Variants in TTN observed in about 807,000 individuals in gnomAD.
TTN encodes the protein connectin.
Under a neutral mutation model 3,223.0 loss-of-function variants are expected in TTN, and 1,525 were observed. The ratio of observed to expected loss-of-function variants is 0.47; its 90% confidence interval spans 0.45 to 0.49. The LOEUF (loss-of-function observed/expected upper bound fraction) is 0.49, where lower values mean the gene tolerates loss of function less well. TTN is among the 20% of genes least tolerant of loss of function. The pLI is 0.00. For missense variants in TTN, 40,786 were observed against 43,424.0 expected (o/e 0.94, Z 5.40); for synonymous variants, 14,094 against 15,161.0 (o/e 0.93, Z 5.17).
In TTN at chr2:178,779,179, A is replaced by G. The variant is rs768368045; in HGVS notation, c.3963+50T>C. 1.1e-5 allele frequency: 18 copies of G among 1,612,780 alleles called. No individual in the cohort carries two copies. In the East Asian group the frequency reaches 2.2e-4, roughly 20 times the overall value. ...ACATCAAATAGTTATATTTTAACCA[A>G]TTTGTATCTTTACTGTGGCAAGGAG... On this transcript the variant is annotated intron_variant, in intron 23 of 362. Coordinates refer to ENST00000589042, the MANE Select transcript of TTN (RefSeq NM_001267550.2).
Position 178,575,928 on chromosome 2 carries a change from T to TAATC in TTN, c.70200_70203dup (p.Ile23402AspfsTer6). Reference sequence around the variant, plus strand: ...GTATCATATCTGTTACATTCTGGGATAATCAGAAGAGTAAATGATTCCGTA... The same window carrying TAATC: ...GTATCATATCTGTTACATTCTGGGATAATCAATCAGAAGAGTAAATGATTCCGTA... On this transcript the variant is annotated frameshift_variant, in exon 326 of 363. Coordinates refer to ENST00000589042, the MANE Select transcript of TTN (RefSeq NM_001267550.2). LOFTEE classifies it high-confidence loss of function. This position sits in a 1 kb window ranked among gnomAD's most constrained non-coding sequence, Gnocchi z 4.0. 1 of 1,613,308 alleles carries TAATC rather than the reference T, an allele frequency of 6.2e-7. No individual in the cohort carries two copies. The highest frequency in any genetic ancestry group is 8.5e-7 in the Non-Finnish European group (1 of 1,179,370).
chr2:178,619,569 G>A (rs2057956376), intron 250 of TTN, 52 bp downstream of exon 250: 3 of 1,585,636 alleles, frequency 1.9e-6, no homozygotes, highest in African/African-American at 2.7e-5. Context: ...TGTGAAATCT[G>A]AAATCTAAAC....
Position 178,563,541 on chromosome 2 carries a change from C to T in TTN, c.82591G>A (p.Val27531Ile), listed in dbSNP as rs1190495036. 1.2e-6 allele frequency: 2 copies of T among 1,613,668 alleles called. No homozygotes were observed. Among genetic ancestry groups the T allele is most frequent in the Non-Finnish European group, 1.7e-6 (2 of 1,179,760 alleles). ...KKTLTDLRLR[V>I]TGLTEGHSYE... ...GAATGGCCTTCGGTAAGACCAGTTACCCTGAGCCGCAGATCCGTTAATGTT... is the reference window on the plus strand; with the variant it reads ...GAATGGCCTTCGGTAAGACCAGTTATCCTGAGCCGCAGATCCGTTAATGTT... Residue 27531 changes from valine to isoleucine, a missense_variant, in exon 326 of 363, where the codon GTA (valine) becomes ATA (isoleucine). Coordinates refer to ENST00000589042, the MANE Select transcript of TTN (RefSeq NM_001267550.2). This position sits in a 1 kb window ranked among gnomAD's most constrained non-coding sequence, Gnocchi z 4.5.
intron 355 of TTN, 21 bp from the exon 356 acceptor site, chr2:178,537,264 TGTG>T (rs1381997851): frequency 6.4e-7 from 1 of 1,558,768 alleles, no homozygotes; most frequent in Non-Finnish European, 8.7e-7. Context: ...AAAATACAAT[TGTG>T]GTGGTTTTCA....
rs140977879 is a variant in TTN at position 178,700,775 on chromosome 2, T to C, written c.30682+345A>G. The stretch of plus-strand genomic sequence containing the variant: ...GCAATTTGGCTGTAAACTACTATGG[T>C]TTATTTCTATAAGCTGCACTAGAAA... On this transcript the variant is annotated intron_variant, in intron 111 of 362. Transcript: ENST00000589042. Among the ~76,000 whole-genome samples the C allele has an allele frequency of 6.0e-3, 915 of 152,326 alleles. 9 individuals carry two copies. Among genetic ancestry groups the C allele is most frequent in the African/African-American group, 0.021 (860 of 41,574 alleles).
In TTN at chr2:178,664,075, T is replaced by G. The variant is rs747495121; in HGVS notation, c.36304A>C (p.Ile12102Leu). 2 of 1,612,728 alleles carry G rather than the reference T, an allele frequency of 1.2e-6. No individual in the cohort carries two copies. Among genetic ancestry groups the G allele is most frequent in the Non-Finnish European group, 1.7e-6 (2 of 1,179,654 alleles). ...VKVHEAPKEI[I>L]PEKKVSVVPP... Reference sequence around the variant, plus strand: ...ACCACCGACACTTTCTTTTCAGGGATAATCTCTTTGGGAGCTTCGTGCACT... The same window carrying G: ...ACCACCGACACTTTCTTTTCAGGGAGAATCTCTTTGGGAGCTTCGTGCACT... The change falls in exon 169 of 363, where the codon ATC becomes CTC. Residue 12102 changes from isoleucine to leucine, a missense_variant. Physicochemically the swap from Ile to Leu is conservative, Grantham distance 5 (BLOSUM62 2). Coordinates refer to ENST00000589042, the MANE Select transcript of TTN (RefSeq NM_001267550.2).
rs749832500 is a variant in TTN, at chr2:178,534,707, C to T, written c.101908G>A (p.Asp33970Asn). The change falls in exon 358 of 363, where the codon GAC (aspartate) becomes AAC (asparagine). Residue 33970 changes from aspartate to asparagine, a missense_variant. Physicochemically the swap from Asp to Asn is conservative, Grantham distance 23. Transcript: ENST00000589042. ...FGQARQLKPG[D>N]NFRLLFTAPE... is the part of the protein sequence containing the mutation. The stretch of plus-strand genomic sequence containing the variant: ...GCAGTGAATAGAAGCCTGAAGTTGT[C>T]CCCTGGTTTCAGCTGACGGGCTTGA... 4.3e-6 allele frequency: 7 copies of T among 1,613,642 alleles called. No homozygotes were observed. Among genetic ancestry groups the T allele is most frequent in the South Asian group, 2.2e-5 (2 of 91,068 alleles).
rs1475846493 is a variant in TTN at position 178,593,591 on chromosome 2, G to GAATC, written c.58705_58708dup (p.Ser19570Ter). On this transcript the variant is annotated stop_gained and frameshift_variant, in exon 298 of 363. Transcript: ENST00000589042. LOFTEE classifies it high-confidence loss of function. The stretch of plus-strand genomic sequence containing the variant: ...ACTGAAACGATCTTTGGCTTTCATT[G>GAATC]AATCAGACACCAGAGGATCACTTAT... 6.2e-7 allele frequency: 1 copy of GAATC among 1,612,284 alleles called. No homozygotes were observed. The highest frequency in any genetic ancestry group is 8.5e-7 in the Non-Finnish European group (1 of 1,179,362).
chr2:178,774,931 A>C lies in TTN; in HGVS notation c.6780T>G (p.Leu2260=), dbSNP rs2092027773. The part of the protein sequence containing the change: ...EDENVKTTAK[L]IVEGAVVEFV... ...TTCGTTGTTGAATACCTTCAACAAT[A>C]AGTTTAGCAGTCGTTTTGACATTTT... The change falls in exon 29 of 363, where the codon CTT becomes CTG. Residue 2260 remains leucine (L), a synonymous_variant. Transcript: ENST00000589042. 6.2e-7 allele frequency: 1 copy of C among 1,613,626 alleles called. No homozygotes were observed. Among genetic ancestry groups the C allele is most frequent in the Non-Finnish European group, 8.5e-7 (1 of 1,179,880 alleles).
At chr2:178,684,210 T>TAACAACAACAACAACATCAACAAC in intron 132 of TTN, 120 bp downstream of exon 132, 1 of 1,355,490 alleles carries the variant, frequency 7.4e-7, no homozygotes, top group African/African-American at 1.5e-5. Flanking sequence ...ACAACAACTG[T>TAACAACAACAACAACATCAACAAC]AACAACAACA....
rs1382772955 is a variant in TTN at position 178,578,188 on chromosome 2, A to G, written c.68330-3T>C. 3 of 1,609,624 alleles carry G rather than the reference A, an allele frequency of 1.9e-6. No homozygotes were observed. The highest frequency in any genetic ancestry group is 2.2e-5 in the East Asian group (1 of 44,760). Reference sequence around the variant, plus strand: ...TTCCTTGAACTCGAGATGATACCCTACAAAAGACCCAGGGATGTATCAAGT... The same window carrying G: ...TTCCTTGAACTCGAGATGATACCCTGCAAAAGACCCAGGGATGTATCAAGT... On this transcript the variant is annotated splice_polypyrimidine_tract_variant and splice_region_variant and intron_variant, in intron 321 of 362. Transcript: ENST00000589042.
In TTN at chr2:178,713,173, C is replaced by T; in HGVS notation, c.26961G>A (p.Met8987Ile). 6.2e-7 allele frequency: 1 copy of T among 1,613,748 alleles called. No individual in the cohort carries two copies. Among genetic ancestry groups the T allele is most frequent in the Non-Finnish European group, 8.5e-7 (1 of 1,179,766 alleles). Residue 8987 changes from methionine (M) to isoleucine (I), a missense_variant, in exon 93 of 363, where the codon ATG becomes ATA. Met to Ile is a conservative substitution (Grantham distance 10, BLOSUM62 1). Transcript: ENST00000589042. ...AGTCACCACTGTCTGATTCTTCCAG[C>T]ATGTTCACAGTTAAAGCACAAGTAT... The part of the protein sequence containing the change: ...TDNTCALTVN[M>I]LEESDSGDYT...
At position 178,553,367 on chromosome 2, in the gene TTN, G is replaced by C; in HGVS notation, c.89533C>G (p.Leu29845Val). The C allele has an allele frequency of 6.3e-7, 1 of 1,598,846 alleles. No homozygotes were observed. The highest frequency in any genetic ancestry group is 1.1e-5 in the South Asian group (1 of 90,476). ...EAPEIDLDVA[L>V]RTSVIAKAGE... ...GCTTTGGCAATAACAGAAGTTCTGA[G>C]AGCCACATCCAGGTCAATCTCTGGT... The change falls in exon 335 of 363, where the codon CTC becomes GTC. Residue 29845 changes from leucine to valine, a missense_variant. Leu to Val is a conservative substitution (Grantham distance 32). Transcript: ENST00000589042.
chr2:178,606,946 G>T, intron 278 of TTN, 75 bp downstream of exon 278: 1 of 1,507,884 alleles, frequency 6.6e-7, no homozygotes, highest in African/African-American at 1.4e-5. Flanking sequence ...GGAGTTTGAA[G>T]CCATAAAGCT....
At position 178,611,494 on chromosome 2, in the gene TTN, A is replaced by C. The variant is rs2056317849; in HGVS notation, c.50735T>G (p.Phe16912Cys). 3.1e-6 allele frequency: 5 copies of C among 1,613,006 alleles called. No individual in the cohort carries two copies. The highest frequency in any genetic ancestry group is 3.4e-6 in the Non-Finnish European group (4 of 1,179,324). ...VNSRPIKDLK[F>C]KVEEGVVPDK... The stretch of plus-strand genomic sequence containing the variant: ...AGGAACAACACCTTCTTCAACCTTG[A>C]ATTTCAAGTCCTTTATTGGGCGAGA... Residue 16912 changes from phenylalanine (F) to cysteine (C), a missense_variant, in exon 269 of 363, where the codon TTC becomes TGC. Physicochemically the swap from Phe to Cys is radical, Grantham distance 205. Coordinates refer to ENST00000589042, the MANE Select transcript of TTN (RefSeq NM_001267550.2).
intron 47 of TTN, chr2:178,749,582 T>C: frequency 1.9e-6 from 3 of 1,612,424 alleles, no homozygotes; most frequent in South Asian, 2.2e-5. Context: ...TTGCAGTTGC[T>C]GATCTCTGGA....
At position 178,579,583 on chromosome 2, in the gene TTN, A is replaced by C. The variant is rs1180310461; in HGVS notation, c.67614T>G (p.Thr22538=). 1 of 1,613,292 alleles carries C rather than the reference A, an allele frequency of 6.2e-7. No individual in the cohort carries two copies. The highest frequency in any genetic ancestry group is 8.5e-7 in the Non-Finnish European group (1 of 1,179,490). ...TACCAACATCATCCCTTGCCACAAC[A>C]GTGATTTCGCTTGGGGTTCCTTCTC... ...ENGEGTPSEI[T]VVARDDVVAP... is the part of the protein sequence containing the mutation. Residue 22538 remains threonine (T), a synonymous_variant, in exon 319 of 363, where the codon ACT becomes ACG. Transcript: ENST00000589042.
At position 178,573,226 on chromosome 2, in the gene TTN, A is replaced by G. The variant is rs773886758; in HGVS notation, c.72906T>C (p.Ala24302=). The change falls in exon 326 of 363, where the codon GCT becomes GCC. Residue 24302 remains alanine (A), a synonymous_variant. Transcript: ENST00000589042. ...TAGGACTTGGTGCACTAATTCCAGC[A>G]GCATTTTCAGCCATAATCCTGAACT... is the stretch of plus-strand genomic sequence containing the variant. ...EYEFRIMAEN[A]AGISAPSPTS... 4 of 1,606,810 alleles carry G rather than the reference A, an allele frequency of 2.5e-6. No homozygotes were observed. Among genetic ancestry groups the G allele is most frequent in the Non-Finnish European group, 3.4e-6 (4 of 1,175,542 alleles).
chr2:178,566,193 G>A lies in TTN; in HGVS notation c.79939C>T (p.Gln26647Ter). 1 of 1,613,626 alleles carries A rather than the reference G, an allele frequency of 6.2e-7. No individual in the cohort carries two copies. Among genetic ancestry groups the A allele is most frequent in the Non-Finnish European group, 8.5e-7 (1 of 1,179,706 alleles). Residue 26647 changes from glutamine to a stop codon, truncating the protein, a stop_gained, in exon 326 of 363, where the codon CAA becomes TAA. Coordinates refer to ENST00000589042, the MANE Select transcript of TTN (RefSeq NM_001267550.2). LOFTEE classifies it high-confidence loss of function. ...VQIEKGVNYTQLSIDNCDRND... is the reference protein window; with the variant it reads ...VQIEKGVNYT ...CTATCACAGTTATCTATTGATAGTT[G>A]GGTATAGTTTACTCCCTTTTCAATT...
Sources: allele counts gnomAD v4.1 joint callset (sites outside exome capture counted in the v4.1 genomes callset), GRCh38; gene constraint gnomAD v4.1.1; non-coding constraint Gnocchi (gnomAD v3.1); transcripts MANE v1.5; gene names NCBI Gene and HGNC (gene_info 2026-07-23, HGNC 2026-07-21).